The following UBE2QL1 variants were observed in gnomAD, a reference collection of about 807,000 sequenced individuals.
The protein encoded by UBE2QL1 is ubiquitin conjugating enzyme E2 QL1, also known as ubiquitin-conjugating enzyme E2Q-like protein 1.
UBE2QL1 carries 5 observed loss-of-function variants against 12.6 expected under a neutral mutation model. The ratio of observed to expected loss-of-function variants is 0.40; its 90% CI spans 0.21 to 0.83. UBE2QL1 has a LOEUF of 0.83. Among genes scored for constraint, UBE2QL1 ranks in the 40% least tolerant of loss-of-function variants. The pLI is 0.37. For synonymous variants in UBE2QL1, 96 were observed against 94.5 expected (o/e 1.02, Z -0.10); for missense variants, 99 against 222.6 (o/e 0.44, Z 3.53).
At chr5:6,452,559 T>A (rs1579284898) in intron 1 of UBE2QL1, among the ~76,000 whole-genome samples, 1 of 152,202 alleles carries the variant, frequency 6.6e-6, no homozygotes, top group East Asian at 1.9e-4. Context: ...CCTTTATTAG[T>A]TACTGAACCA....
chr5:6,464,758 C>T (rs753867655), intron 1 of UBE2QL1, among the ~76,000 whole-genome samples: 9 of 152,158 alleles, frequency 5.9e-5, no homozygotes, highest in Non-Finnish European at 1.0e-4. Context: ...GCCTTAATGA[C>T]GTTTCAAAAA....
chr5:6,491,450 G>A lies in UBE2QL1; in HGVS notation c.*101G>A. The A allele has an allele frequency of 1.4e-6, 2 of 1,400,308 alleles. No individual in the cohort carries two copies. The highest frequency in any genetic ancestry group is 2.6e-5 in the East Asian group (1 of 38,770). The allele number at this position is 1,400,308 out of a possible 1,614,324, so 86.7% of individuals were successfully genotyped here. The stretch of plus-strand genomic sequence containing the variant: ...GCATCCTCCACCCGTTTTTACTCCA[G>A]CCAGAACTGCATCCTGAATGCCCAG... On this transcript the variant is annotated 3_prime_UTR_variant, in exon 2 of 2. Transcript: ENST00000399816.
rs1477288536 is a variant in UBE2QL1 at position 6,491,223 on chromosome 5, G to T, written c.360G>T (p.Arg120=). ...FAASLVKGQG[R]ICRKAGKSKK... is the part of the protein sequence containing the mutation. ...TTTCTTCTCATCTCACGCAGGGACG[G>T]ATCTGTAGAAAAGCTGGCAAATCAA... is the stretch of plus-strand genomic sequence containing the variant. The change falls in exon 2 of 2, where the codon CGG becomes CGT. Residue 120 remains arginine, a synonymous_variant. Transcript: ENST00000399816. 69 of 1,549,524 alleles carry T rather than the reference G, an allele frequency of 4.5e-5. No individual in the cohort carries two copies. The highest frequency in any genetic ancestry group is 4.8e-5 in the Non-Finnish European group (55 of 1,146,146).
At chr5:6,456,656 C>A (rs1359620509) in intron 1 of UBE2QL1, among the ~76,000 whole-genome samples, 1 of 152,210 alleles carries the variant, frequency 6.6e-6, no homozygotes, top group African/African-American at 2.4e-5. Context: ...CCCATGACGA[C>A]CCTTCCCCAT....
chr5:6,450,436 T>G (rs1460427992), intron 1 of UBE2QL1, among the ~76,000 whole-genome samples: 1 of 152,232 alleles, frequency 6.6e-6, no homozygotes, highest in Non-Finnish European at 1.5e-5. Flanking sequence ...GGTTGAGTTC[T>G]CTGGTGTTTT....
rs1360201177 is a variant in UBE2QL1 at position 6,475,952 on chromosome 5, TA to T, written c.355-15264del. Among the ~76,000 whole-genome samples, 8 of 152,208 alleles carry T rather than the reference TA, an allele frequency of 5.3e-5. No homozygotes were observed. In the East Asian group the frequency reaches 1.5e-3, roughly 29 times the overall value. ...GGCCCCTGCTGATAGGTGCTGGATTTAACCCCAAGACCTGTCGGAAAGAATG... is the reference window on the plus strand; with the variant it reads ...GGCCCCTGCTGATAGGTGCTGGATTTACCCCAAGACCTGTCGGAAAGAATG... On this transcript the variant is annotated intron_variant, in intron 1 of 1. Transcript: ENST00000399816.
chr5:6,479,594 A>C lies in UBE2QL1; in HGVS notation c.355-11624A>C, dbSNP rs1186795890. Among the ~76,000 whole-genome samples the C allele has an allele frequency of 1.3e-5, 2 of 152,226 alleles. No homozygotes were observed. ...CATAAAAAGGGCAGAGGCTGTGCTC[A>C]TTAAGACTTTCCAGAATCCTCTGTG... On this transcript the variant is annotated intron_variant, in intron 1 of 1. Transcript: ENST00000399816. This position sits in a 1 kb window ranked among gnomAD's most constrained non-coding sequence, Gnocchi z 4.2.
At position 6,494,610 on chromosome 5, in the gene UBE2QL1, TA is replaced by T. The variant is rs1419692555; in HGVS notation, c.*3264del. 1.3e-5 allele frequency: 2 copies of T among 152,192 alleles called. No homozygotes were observed. Among genetic ancestry groups the T allele is most frequent in the African/African-American group, 4.8e-5 (2 of 41,436 alleles). 9.4% of individuals were successfully genotyped at this position (152,192 alleles called of 1,614,324 possible). On this transcript the variant is annotated 3_prime_UTR_variant, in exon 2 of 2. Coordinates refer to ENST00000399816, the MANE Select transcript of UBE2QL1 (RefSeq NM_001145161.3). ...GACGCAGCAGAAGTGCTTTGGAGAC[TA>T]AAGATTGTCAACGAAATGTAAGTGT...
intron 1 of UBE2QL1, among the ~76,000 whole-genome samples, chr5:6,477,616 C>G (rs1190562610): frequency 2.0e-5 from 3 of 152,240 alleles, no homozygotes; most frequent in African/African-American, 7.2e-5. Context: ...TGAGCTGGAT[C>G]TTACAACATC....
chr5:6,471,985 G>A (rs924904535), intron 1 of UBE2QL1, among the ~76,000 whole-genome samples: 1 of 152,056 alleles, frequency 6.6e-6, no homozygotes, highest in African/African-American at 2.4e-5. Context: ...GCCCATGGGA[G>A]CCCATTCTGT....
At chr5:6,463,370 A>G (rs1021925293) in intron 1 of UBE2QL1, among the ~76,000 whole-genome samples, 3 of 152,072 alleles carry the variant, frequency 2.0e-5, no homozygotes, top group South Asian at 2.1e-4. Flanking sequence ...AGAGGGTCAC[A>G]TGAACAGGTG....
At position 6,479,984 on chromosome 5, in the gene UBE2QL1, C is replaced by T. The variant is rs1000200092; in HGVS notation, c.355-11234C>T. Among the ~76,000 whole-genome samples the T allele has an allele frequency of 5.9e-5, 9 of 152,224 alleles. No homozygotes were observed. Among genetic ancestry groups the T allele is most frequent in the South Asian group, 4.1e-4 (2 of 4,830 alleles). The stretch of plus-strand genomic sequence containing the variant: ...TGACAGGATGGCTGGCCAGGAGCTC[C>T]CTGTTGAGATGACATTGAGAGAGAC... On this transcript the variant is annotated intron_variant, in intron 1 of 1. Transcript: ENST00000399816. The surrounding 1 kb of genome is among the most constrained non-coding windows in gnomAD (Gnocchi z 4.2).
chr5:6,463,610 A>G (rs868394384), intron 1 of UBE2QL1, among the ~76,000 whole-genome samples: 24 of 145,826 alleles, frequency 1.6e-4, no homozygotes, highest in African/African-American at 5.8e-4. Flanking sequence ...TATTATTATT[A>G]TTATTATTAT....
At chr5:6,484,354 T>G (rs272454) in intron 1 of UBE2QL1, among the ~76,000 whole-genome samples, 149,116 of 152,216 alleles carry the variant, frequency 0.98, 73,116 homozygotes, top group Middle Eastern at 1. Flanking sequence ...GGGCCCCTCC[T>G]CAGGCCCTGG....
At chr5:6,465,071 C>T (rs1739757240) in intron 1 of UBE2QL1, among the ~76,000 whole-genome samples, 1 of 151,714 alleles carries the variant, frequency 6.6e-6, no homozygotes, top group Middle Eastern at 3.2e-3. Context: ...ATTGCAACCT[C>T]TGCCTCCTGG....
At chr5:6,461,072 T>C (rs924666212) in intron 1 of UBE2QL1, among the ~76,000 whole-genome samples, 5 of 152,222 alleles carry the variant, frequency 3.3e-5, no homozygotes, top group African/African-American at 1.2e-4. Flanking sequence ...ATTAATACTT[T>C]TACGAAAGAT....
At chr5:6,472,390 C>G (rs1739931383) in intron 1 of UBE2QL1, among the ~76,000 whole-genome samples, 1 of 152,120 alleles carries the variant, frequency 6.6e-6, no homozygotes, top group Non-Finnish European at 1.5e-5. Context: ...CCAGAAACTT[C>G]CAGAATGCCT....
rs1050522546 is a variant in UBE2QL1 at position 6,494,657 on chromosome 5, G to A, written c.*3308G>A. The A allele has an allele frequency of 1.8e-4, 28 of 152,154 alleles. No individual in the cohort carries two copies. The highest frequency in any genetic ancestry group is 6.5e-4 in the African/African-American group (27 of 41,408). The allele number at this position is 152,154 out of a possible 1,614,324, so 9.4% of individuals were successfully genotyped here. A position where few individuals can be genotyped will look rare whatever the true frequency, so the allele number is the denominator to read the frequency against. ...AGTGTCATTTTCGTAGTATTAGGACGTTTACATTACAGCAGGCTTTAATTA... is the reference window on the plus strand; with the variant it reads ...AGTGTCATTTTCGTAGTATTAGGACATTTACATTACAGCAGGCTTTAATTA... On this transcript the variant is annotated 3_prime_UTR_variant, in exon 2 of 2. Coordinates refer to ENST00000399816, the MANE Select transcript of UBE2QL1 (RefSeq NM_001145161.3).
In UBE2QL1 at chr5:6,492,472, T is replaced by C. The variant is rs1459013962; in HGVS notation, c.*1123T>C. The C allele has an allele frequency of 6.6e-6, 1 of 152,202 alleles. No homozygotes were observed. Among genetic ancestry groups the C allele is most frequent in the Non-Finnish European group, 1.5e-5 (1 of 68,048 alleles). The allele number at this position is 152,202 out of a possible 1,614,324, so 9.4% of individuals were successfully genotyped here. On this transcript the variant is annotated 3_prime_UTR_variant, in exon 2 of 2. Coordinates refer to ENST00000399816, the MANE Select transcript of UBE2QL1 (RefSeq NM_001145161.3). ...TCTCTTCTGTTAATACTTAGAACTT[T>C]CTAAGAAACTCCATGAAATGAGGAA...
Sources: gnomAD v4.1 joint callset for allele counts (sites outside exome capture counted in the v4.1 genomes callset) on GRCh38, gnomAD v4.1.1 for gene constraint, Gnocchi (gnomAD v3.1) non-coding constraint, MANE v1.5 for transcripts, NCBI Gene and HGNC (gene_info 2026-07-23, HGNC 2026-07-21) for gene names.